Variants in IPO11 observed in about 807,000 individuals in gnomAD.
IPO11 encodes importin-11.
Under a neutral mutation model 143.2 loss-of-function variants are expected in IPO11, and 66 were observed. The observed-to-expected ratio is 0.46, with a 90% CI of 0.38 to 0.57. The LOEUF (loss-of-function observed/expected upper bound fraction) is 0.57. Among genes scored for constraint, IPO11 ranks in the 20% least tolerant of loss-of-function variants. The pLI is 0.00. For synonymous variants in IPO11, 385 were observed against 377.8 expected, an observed-to-expected ratio of 1.02 and a Z score of -0.22; for missense variants, 1,026 against 1,141.0, an observed-to-expected ratio of 0.90 and a Z score of 1.45.
At chr5:62,591,936 G>T (rs913945619) in intron 28 of IPO11, among the ~76,000 whole-genome samples, 3 of 152,074 alleles carry the variant, frequency 2.0e-5, no homozygotes, top group African/African-American at 7.2e-5. Context: ...CGCAACCTCC[G>T]CCTCCCAGGT....
intron 1 of IPO11, among the ~76,000 whole-genome samples, chr5:62,421,937 C>T (rs17467190): frequency 0.092 from 14,045 of 152,152 alleles, 656 homozygotes; most frequent in South Asian, 0.15. Context: ...AACTACCAAT[C>T]GAAGATGTCT....
chr5:62,490,199 A>G lies in IPO11; in HGVS notation c.1442A>G (p.Glu481Gly), dbSNP rs1329041773. 4 of 1,601,240 alleles carry G rather than the reference A, an allele frequency of 2.5e-6. No individual in the cohort carries two copies. In the South Asian group the frequency reaches 3.4e-5, roughly 14 times the overall value. ...DQWFKNQLLP[E>G]LQVIHNRYKP... ...TGGTTTAAAAACCAGCTTCTTCCAG[A>G]ATTACAAGTCATTCACAATAGGCAA... The change falls in exon 15 of 30, where the codon GAA (glutamate) becomes GGA (glycine). Residue 481 changes from glutamate to glycine, a missense_variant. This residue lies in a region of IPO11 where 237 missense variants were observed against 288.0 expected (regional missense o/e 0.82). Coordinates refer to ENST00000325324, the MANE Select transcript of IPO11 (RefSeq NM_016338.5).
intron 22 of IPO11, among the ~76,000 whole-genome samples, chr5:62,532,986 G>A (rs1326596725): frequency 6.6e-6 from 1 of 151,966 alleles, no homozygotes; most frequent in African/African-American, 2.4e-5. Context: ...ATGAATATAG[G>A]TGATGTGGAT....
At chr5:62,580,205 ACCTCCTCCT>A in intron 27 of IPO11, 1 of 1,551,112 alleles carries the variant, frequency 6.4e-7, no homozygotes, top group East Asian at 2.4e-5. Flanking sequence ...AATCTGGAAT[ACCTCCTCCT>A]GAAAAATTCA....
intron 1 of IPO11, among the ~76,000 whole-genome samples, chr5:62,429,319 C>A (rs1049346982): frequency 3.9e-5 from 6 of 152,132 alleles, no homozygotes; most frequent in Admixed American, 2.6e-4. Context: ...TTTCAAGGCT[C>A]ATTCATGTTT....
At chr5:62,536,931 G>A in intron 23 of IPO11, 150 bp downstream of exon 23, 1 of 973,536 alleles carries the variant, frequency 1.0e-6, no homozygotes, top group Non-Finnish European at 1.4e-6. Flanking sequence ...CCATTGCAGG[G>A]CAGATGTGCT....
intron 6 of IPO11, 107 bp from the exon 7 acceptor site, chr5:62,470,143 G>T: frequency 3.7e-6 from 4 of 1,068,774 alleles, no homozygotes; most frequent in Non-Finnish European, 5.7e-6. Flanking sequence ...TTCCAACCCA[G>T]ATTAACCTCC....
intron 20 of IPO11, among the ~76,000 whole-genome samples, chr5:62,522,466 G>T (rs915128795): frequency 1.3e-5 from 2 of 152,088 alleles, no homozygotes; most frequent in Admixed American, 1.3e-4. Flanking sequence ...TGTATATTTA[G>T]TGGAGACAGT....
chr5:62,609,562 C>G (rs1310289072), intron 29 of IPO11, among the ~76,000 whole-genome samples: 1 of 152,220 alleles, frequency 6.6e-6, no homozygotes, highest in East Asian at 1.9e-4. Context: ...GAATGAGAGA[C>G]ACAGTCCCTG....
At chr5:62,584,915 A>G (rs1744714945) in intron 27 of IPO11, among the ~76,000 whole-genome samples, 1 of 152,170 alleles carries the variant, frequency 6.6e-6, no homozygotes, top group Non-Finnish European at 1.5e-5. Flanking sequence ...CTGCTGGCCC[A>G]GATGTGCCTT....
At chr5:62,620,459 C>T (rs1426500269) in intron 29 of IPO11, among the ~76,000 whole-genome samples, 6 of 141,888 alleles carry the variant, frequency 4.2e-5, no homozygotes, top group South Asian at 2.3e-4. Flanking sequence ...GCGGAGCTTG[C>T]GGTGAGCCAA....
chr5:62,446,964 C>A (rs1431499154), intron 3 of IPO11, among the ~76,000 whole-genome samples: 3 of 147,374 alleles, frequency 2.0e-5, no homozygotes, highest in Non-Finnish European at 3.0e-5. Context: ...GAGACTCTGA[C>A]TGCAAAAAAA....
intron 16 of IPO11, among the ~76,000 whole-genome samples, chr5:62,496,297 GAAA>G (rs908992522): frequency 1.5e-5 from 2 of 137,142 alleles, no homozygotes; most frequent in African/African-American, 5.4e-5. Context: ...AAAAAAAAAA[GAAA>G]AAAAAAAAGA....
chr5:62,593,138 A>T (rs1163977709), intron 28 of IPO11, among the ~76,000 whole-genome samples: 1 of 151,442 alleles, frequency 6.6e-6, no homozygotes, highest in South Asian at 2.1e-4. Flanking sequence ...TGCAGGGCAC[A>T]CCAAACAGTA....
intron 5 of IPO11, among the ~76,000 whole-genome samples, chr5:62,460,410 T>C (rs1014625782): frequency 6.6e-6 from 1 of 152,200 alleles, no homozygotes; most frequent in East Asian, 1.9e-4. Flanking sequence ...ACCTTGCTGA[T>C]TAGGTTCAGG....
chr5:62,498,403 A>G (rs1055130522), intron 16 of IPO11, among the ~76,000 whole-genome samples: 2 of 152,162 alleles, frequency 1.3e-5, no homozygotes, highest in African/African-American at 4.8e-5. Flanking sequence ...GCTTATGACA[A>G]CTTCTAGGTT....
intron 1 of IPO11, among the ~76,000 whole-genome samples, chr5:62,436,034 A>G (rs1744218978): frequency 1.3e-5 from 2 of 152,190 alleles, no homozygotes; most frequent in Non-Finnish European, 2.9e-5. Flanking sequence ...AAAATAAATC[A>G]AAATCAAATC....
At chr5:62,515,756 C>T (rs1741990879) in intron 20 of IPO11, among the ~76,000 whole-genome samples, 1 of 152,116 alleles carries the variant, frequency 6.6e-6, no homozygotes, top group Non-Finnish European at 1.5e-5. Context: ...ACTCATGGTT[C>T]ATGCAGTCCA....
intron 7 of IPO11, among the ~76,000 whole-genome samples, chr5:62,470,810 C>CATCTTCTTT: frequency 8.6e-6 from 1 of 116,896 alleles, no homozygotes; most frequent in Admixed American, 9.9e-5. Flanking sequence ...TGTAGATAGC[C>CATCTTCTTT]ATCTTCTTTT....
Sources: allele counts gnomAD v4.1 joint callset (sites outside exome capture counted in the v4.1 genomes callset), GRCh38; gene constraint gnomAD v4.1.1; regional missense constraint gnomAD v4.1.1; transcripts MANE v1.5; gene names NCBI Gene and HGNC (gene_info 2026-07-23, HGNC 2026-07-21).